The following TMEM117 variants were observed in gnomAD, a reference collection of about 807,000 sequenced individuals.
The protein encoded by TMEM117 is transmembrane protein 117.
Under a neutral mutation model 52.4 loss-of-function variants are expected in TMEM117, and 27 were observed. The observed-to-expected ratio is 0.51, with a 90% confidence interval of 0.38 to 0.71. TMEM117 has a LOEUF of 0.71. Among genes scored for constraint, TMEM117 ranks in the 30% least tolerant of loss-of-function variants. The pLI, the probability that TMEM117 is intolerant of heterozygous loss-of-function variation, is 0.00. For synonymous variants in TMEM117, 215 were observed against 206.3 expected, an observed-to-expected ratio of 1.04 and a Z score of -0.36; for missense variants, 556 against 630.5, an observed-to-expected ratio of 0.88 and a Z score of 1.26.
intron 3 of TMEM117, among the ~76,000 whole-genome samples, chr12:44,095,369 C>T (rs756965795): frequency 2.0e-5 from 3 of 151,944 alleles, no homozygotes; most frequent in Non-Finnish European, 2.9e-5. Context: ...ATTCATTCAA[C>T]GAGTAGGATT....
chr12:44,280,656 C>G (rs901514079), intron 5 of TMEM117, among the ~76,000 whole-genome samples: 3 of 152,068 alleles, frequency 2.0e-5, no homozygotes, highest in Admixed American at 6.6e-5. Context: ...ATTCCCATGT[C>G]TCTATATTTT....
At chr12:44,233,796 G>T (rs1337972259) in intron 5 of TMEM117, among the ~76,000 whole-genome samples, 5 of 151,232 alleles carry the variant, frequency 3.3e-5, no homozygotes, top group African/African-American at 1.2e-4. Flanking sequence ...TTTGACTGCT[G>T]AATAAAATTC....
At chr12:44,043,626 T>G (rs1209396567) in intron 3 of TMEM117, among the ~76,000 whole-genome samples, 1 of 152,154 alleles carries the variant, frequency 6.6e-6, no homozygotes, top group Non-Finnish European at 1.5e-5. Context: ...TGAGCCTGTT[T>G]CCAGGCAAAA....
chr12:44,119,466 C>T (rs772213217), intron 3 of TMEM117, among the ~76,000 whole-genome samples: 6 of 152,106 alleles, frequency 3.9e-5, no homozygotes, highest in South Asian at 2.1e-4. Context: ...AGAGTGTAAA[C>T]GTTTTGTTTT....
At chr12:44,188,176 T>C (rs574766621) in intron 4 of TMEM117, among the ~76,000 whole-genome samples, 1 of 152,256 alleles carries the variant, frequency 6.6e-6, no homozygotes, top group South Asian at 2.1e-4. Flanking sequence ...TATTATCTAT[T>C]GCTGATTTGG....
intron 3 of TMEM117, among the ~76,000 whole-genome samples, chr12:44,061,950 A>G (rs1019272161): frequency 3.9e-5 from 6 of 152,090 alleles, no homozygotes; most frequent in African/African-American, 1.4e-4. Context: ...AAGGTTGGGG[A>G]AAATGGAAGG....
At chr12:44,068,459 G>A (rs1045548536) in intron 3 of TMEM117, among the ~76,000 whole-genome samples, 2 of 152,110 alleles carry the variant, frequency 1.3e-5, no homozygotes, top group African/African-American at 4.8e-5. Context: ...ACATTTGGAG[G>A]CCATTGTATT....
chr12:44,332,597 G>T (rs934461822), intron 6 of TMEM117, among the ~76,000 whole-genome samples: 1 of 151,872 alleles, frequency 6.6e-6, no homozygotes, highest in Non-Finnish European at 1.5e-5. Flanking sequence ...GAATTTCATA[G>T]AATTAGGAGA....
intron 2 of TMEM117, among the ~76,000 whole-genome samples, chr12:43,934,651 T>G (rs1052004857): frequency 1.3e-5 from 2 of 152,196 alleles, no homozygotes; most frequent in Non-Finnish European, 2.9e-5. Flanking sequence ...TTTGTTAGTA[T>G]TATATGAGAT....
intron 2 of TMEM117, among the ~76,000 whole-genome samples, chr12:43,933,420 C>G (rs996619712): frequency 3.3e-5 from 5 of 151,932 alleles, no homozygotes; most frequent in African/African-American, 4.8e-5. Flanking sequence ...CCAGGATGGT[C>G]TCGATCTCCT....
Position 44,204,693 on chromosome 12 carries a change from A to G in TMEM117, c.511-6597A>G, listed in dbSNP as rs189184209. Among the ~76,000 whole-genome samples, 736 of 152,256 alleles carry G rather than the reference A, an allele frequency of 4.8e-3. 6 individuals carry two copies. The highest frequency in any genetic ancestry group is 0.016 in the African/African-American group (657 of 41,576). On this transcript the variant is annotated intron_variant, in intron 4 of 7. Transcript: ENST00000266534. ...ACTGTAACCAAAACAGCATATTGGTACAAAAACAAATACAGAGACCAGTGG... is the reference window on the plus strand; with the variant it reads ...ACTGTAACCAAAACAGCATATTGGTGCAAAAACAAATACAGAGACCAGTGG...
chr12:44,186,596 G>A (rs1353526969), intron 4 of TMEM117, among the ~76,000 whole-genome samples: 1 of 152,036 alleles, frequency 6.6e-6, no homozygotes, highest in Non-Finnish European at 1.5e-5. Flanking sequence ...TTTTTGCAAG[G>A]AGCATATGTT....
chr12:44,166,963 TTGAA>T (rs1379988678), intron 4 of TMEM117, among the ~76,000 whole-genome samples: 2 of 152,224 alleles, frequency 1.3e-5, no homozygotes, highest in African/African-American at 4.8e-5. Flanking sequence ...TAAATATTTG[TTGAA>T]TGAACAAACT....
At chr12:43,806,272 G>T in the TMEM117 span, 2 of 1,515,268 alleles carry the variant, frequency 1.3e-6, no homozygotes, top group Non-Finnish European at 1.8e-6. Flanking sequence ...TCCCGGCTCC[G>T]GCGCTGAGTG....
chr12:44,314,542 G>A (rs550040908), intron 6 of TMEM117, among the ~76,000 whole-genome samples: 1 of 150,604 alleles, frequency 6.6e-6, no homozygotes, highest in South Asian at 2.1e-4. Flanking sequence ...TGTTTATCAG[G>A]GATATTGGCC....
chr12:43,867,046 G>A (rs951081491), intron 2 of TMEM117, among the ~76,000 whole-genome samples: 4 of 151,284 alleles, frequency 2.6e-5, no homozygotes, highest in Admixed American at 1.3e-4. Flanking sequence ...GCCAGATTGC[G>A]CCATTGCACT....
In TMEM117 at chr12:44,298,689, G is replaced by A. The variant is rs145558549; in HGVS notation, c.609-891G>A. Among the ~76,000 whole-genome samples, 193 of 151,104 alleles carry A rather than the reference G, an allele frequency of 1.3e-3. 19 individuals are homozygous for A. The highest frequency in any genetic ancestry group is 4.4e-3 in the African/African-American group (179 of 40,392). On this transcript the variant is annotated intron_variant, in intron 5 of 7. Coordinates refer to ENST00000266534, the MANE Select transcript of TMEM117 (RefSeq NM_032256.3). ...GCTACAAAGATAGATAAGAGAAAAT[G>A]TCAGGCTCCTAGTATCTTATCTAGC...
At chr12:43,868,105 C>CACAG (rs59858298) in intron 2 of TMEM117, among the ~76,000 whole-genome samples, 108,763 of 150,322 alleles carry the variant, frequency 0.72, 42,662 homozygotes, top group East Asian at 0.93. Flanking sequence ...TATACACACA[C>CACAG]ACACACAGAC....
chr12:43,887,141 G>A (rs977617572), intron 2 of TMEM117, among the ~76,000 whole-genome samples: 2 of 152,174 alleles, frequency 1.3e-5, no homozygotes, highest in Admixed American at 1.3e-4. Context: ...GTGCCACCGT[G>A]CCTGGCCTGG....
Sources: gnomAD v4.1 joint callset for allele counts (sites outside exome capture counted in the v4.1 genomes callset) on GRCh38, gnomAD v4.1.1 for gene constraint, MANE v1.5 for transcripts, NCBI Gene and HGNC (gene_info 2026-07-23, HGNC 2026-07-21) for gene names.